Variants in NOL10 observed in about 807,000 individuals in gnomAD.
The protein encoded by NOL10 is H_NH0074G24.1.
In NOL10, 58 loss-of-function variants were observed where a neutral mutation model predicts 103.5. The ratio of observed to expected loss-of-function variants is 0.56; its 90% CI spans 0.45 to 0.70. NOL10 has a LOEUF of 0.70. Among genes scored for constraint, NOL10 ranks in the 30% least tolerant of loss-of-function variants. The pLI is 0.00. For missense variants in NOL10, 763 were observed against 807.3 expected, an observed-to-expected ratio of 0.95 and a Z score of 0.67; for synonymous variants, 287 against 282.5, an observed-to-expected ratio of 1.02 and a Z score of -0.16.
intron 8 of NOL10, among the ~76,000 whole-genome samples, chr2:10,663,366 C>CAAAA (rs35569218): frequency 8.0e-6 from 1 of 125,480 alleles, no homozygotes; most frequent in Non-Finnish European, 1.7e-5. Context: ...GACTTCGTCT[C>CAAAA]AAAAAAAAAA....
intron 3 of NOL10, among the ~76,000 whole-genome samples, chr2:10,678,042 T>C (rs1339372239): frequency 1.4e-5 from 2 of 145,536 alleles, no homozygotes; most frequent in African/African-American, 5.0e-5. Context: ...CCACTGTCGT[T>C]TGTTTTTGGG....
rs1361742437 is a variant in NOL10, at chr2:10,638,754, G to GTGC, written c.1026+5563_1026+5565dup. ...GATCCGCCCGCCTTGGCCTCCCAAA[G>GTGC]TGCTGGGATTACAGGCGTTTGAGCC... On this transcript the variant is annotated intron_variant, in intron 13 of 20. Transcript: ENST00000381685. Among the ~76,000 whole-genome samples the GTGC allele has an allele frequency of 2.8e-5, 4 of 141,116 alleles. No homozygotes were observed. The Admixed American group carries it at 2.9e-4, about 10-fold the overall frequency. The allele number at this position is 141,116 out of a possible 152,430, so 92.6% of individuals were successfully genotyped here. A position where few individuals can be genotyped will look rare whatever the true frequency, so the allele number is the denominator to read the frequency against.
chr2:10,582,986 G>A (rs1030113582), intron 19 of NOL10, among the ~76,000 whole-genome samples: 2 of 152,128 alleles, frequency 1.3e-5, no homozygotes, highest in Non-Finnish European at 2.9e-5. Context: ...TGGCCACTTG[G>A]CAGGACTGAG....
At chr2:10,669,086 C>G (rs1680739902) in intron 6 of NOL10, among the ~76,000 whole-genome samples, 1 of 150,126 alleles carries the variant, frequency 6.7e-6, no homozygotes, top group African/African-American at 2.4e-5. Flanking sequence ...TGAATTTTTT[C>G]TTTTTTTTTG....
intron 17 of NOL10, among the ~76,000 whole-genome samples, chr2:10,599,108 G>A (rs73165980): frequency 0.014 from 2,202 of 152,238 alleles, 67 homozygotes; most frequent in African/African-American, 0.05. Context: ...GGGCACTTCT[G>A]CATCTAGATA....
chr2:10,590,533 G>C (rs140148058), intron 17 of NOL10, among the ~76,000 whole-genome samples: 5 of 152,262 alleles, frequency 3.3e-5, no homozygotes, highest in African/African-American at 1.2e-4. Context: ...GGAAGCTGGT[G>C]ATGTCAGTTT....
At chr2:10,671,785 A>C in intron 5 of NOL10, 95 bp from the exon 6 acceptor site, 1 of 834,314 alleles carries the variant, frequency 1.2e-6, no homozygotes, top group Non-Finnish European at 1.9e-6. Flanking sequence ...GAAAACCCTT[A>C]CCTCTCTCTC....
intron 12 of NOL10, among the ~76,000 whole-genome samples, chr2:10,650,975 C>T (rs1249767250): frequency 2.6e-5 from 4 of 152,136 alleles, no homozygotes; most frequent in Admixed American, 2.0e-4. Context: ...GGTTCCTCAA[C>T]AGTCTGAGCC....
At chr2:10,642,229 T>A (rs1363086998) in intron 13 of NOL10, among the ~76,000 whole-genome samples, 1 of 152,174 alleles carries the variant, frequency 6.6e-6, no homozygotes, top group Non-Finnish European at 1.5e-5. Context: ...CTCTGAGACA[T>A]GCCACCAGGC....
chr2:10,638,333 G>GTGACGTAACC (rs1260252338), intron 13 of NOL10, among the ~76,000 whole-genome samples: 1 of 117,512 alleles, frequency 8.5e-6, no homozygotes, highest in African/African-American at 4.4e-5. Flanking sequence ...GTGACGTGAC[G>GTGACGTAACC]TAACGTAACG....
At chr2:10,608,203 T>A (rs1358667050) in intron 13 of NOL10, among the ~76,000 whole-genome samples, 2 of 152,180 alleles carry the variant, frequency 1.3e-5, no homozygotes, top group African/African-American at 2.4e-5. Flanking sequence ...TTTTTTAAAT[T>A]TCTGTATAAA....
chr2:10,588,930 C>T, intron 19 of NOL10, 113 bp downstream of exon 19: 1 of 1,470,074 alleles, frequency 6.8e-7, no homozygotes, highest in Non-Finnish European at 9.2e-7. Context: ...CCCCTCCACC[C>T]TCTGCACCTC....
At chr2:10,655,530 T>C (rs1184808649) in intron 11 of NOL10, among the ~76,000 whole-genome samples, 2 of 152,116 alleles carry the variant, frequency 1.3e-5, no homozygotes, top group Non-Finnish European at 2.9e-5. Flanking sequence ...GTTTTATCTT[T>C]TAAAAATTAA....
chr2:10,572,334 G>C lies in NOL10; in HGVS notation c.1948-144C>G, dbSNP rs1572212648. On this transcript the variant is annotated intron_variant, in intron 20 of 20. Coordinates refer to ENST00000381685, the MANE Select transcript of NOL10 (RefSeq NM_024894.4). Reference sequence around the variant, plus strand: ...GCTGCCCACAGGCTCCAGGGGACATGGTGGGGCTGCCTGGACTCTGCTCTG... The same window carrying C: ...GCTGCCCACAGGCTCCAGGGGACATCGTGGGGCTGCCTGGACTCTGCTCTG... 1.0e-5 allele frequency: 9 copies of C among 865,530 alleles called. No individual in the cohort carries two copies. In the East Asian group the frequency reaches 2.3e-4, roughly 22 times the overall value. 53.6% of individuals were successfully genotyped at this position (865,530 alleles called of 1,614,324 possible).
chr2:10,576,089 G>A (rs1038768996), intron 20 of NOL10, among the ~76,000 whole-genome samples: 1 of 152,182 alleles, frequency 6.6e-6, no homozygotes, highest in Non-Finnish European at 1.5e-5. Flanking sequence ...TAGTTCTCCA[G>A]AGATGACACA....
intron 1 of NOL10, among the ~76,000 whole-genome samples, chr2:10,688,167 A>G (rs1419214531): frequency 2.6e-5 from 4 of 152,132 alleles, no homozygotes; most frequent in Admixed American, 6.5e-5. Context: ...ACTGTGTTTT[A>G]GCATCTTCTT....
intron 13 of NOL10, among the ~76,000 whole-genome samples, chr2:10,629,371 T>C (rs1285570447): frequency 5.9e-5 from 9 of 151,862 alleles, no homozygotes. Context: ...ATACAGAAAA[T>C]ATATTTTTTA....
intron 13 of NOL10, among the ~76,000 whole-genome samples, chr2:10,615,802 A>G (rs1346030514): frequency 6.6e-6 from 1 of 152,056 alleles, no homozygotes; most frequent in Non-Finnish European, 1.5e-5. Flanking sequence ...ATAAAGGGGG[A>G]ACAATGGAGC....
At chr2:10,657,694 G>C (rs1195931454) in intron 11 of NOL10, 48 bp downstream of exon 11, 4 of 1,486,920 alleles carry the variant, frequency 2.7e-6, no homozygotes, top group African/African-American at 2.8e-5. Context: ...GGATCATTCG[G>C]AACACCTGCA....
Sources: gnomAD v4.1 joint callset for allele counts (sites outside exome capture counted in the v4.1 genomes callset) on GRCh38, gnomAD v4.1.1 for gene constraint, MANE v1.5 for transcripts, NCBI Gene and HGNC (gene_info 2026-07-23, HGNC 2026-07-21) for gene names.